The following FAT1 variants were observed in gnomAD, a reference collection of about 807,000 sequenced individuals.
FAT1 encodes the protein protocadherin Fat 1.
Under a neutral mutation model 329.8 loss-of-function variants are expected in FAT1, and 171 were observed. That is an observed-to-expected ratio of 0.52 (90% CI 0.46 to 0.59). The LOEUF (loss-of-function observed/expected upper bound fraction) is 0.59. Among genes scored for constraint, FAT1 ranks in the 20% least tolerant of loss-of-function variants. FAT1 has a pLI of 0.00. For missense variants in FAT1, 5,672 were observed against 5,774.4 expected (o/e 0.98, Z 0.57); for synonymous variants, 2,233 against 2,228.6 (o/e 1.00, Z -0.06).
chr4:186,619,990 C>A lies in FAT1; in HGVS notation c.6596G>T (p.Ser2199Ile), dbSNP rs374542025. 3.1e-6 allele frequency: 5 copies of A among 1,613,884 alleles called. No individual in the cohort carries two copies. The highest frequency in any genetic ancestry group is 1.7e-6 in the Non-Finnish European group (2 of 1,179,898). The change falls in exon 10 of 27, where the codon AGC becomes ATC. Residue 2199 changes from serine to isoleucine, a missense_variant. Physicochemically the swap from Ser to Ile is moderately radical, Grantham distance 142 (BLOSUM62 -2). Transcript: ENST00000441802. ...AEIAESIQVH[S>I]PVVHVQANSP... ...GTTAGCCTGCACGTGGACCACAGGGCTGTGCACCTGGATGCTCTCTGCAAT... is the reference window on the plus strand; with the variant it reads ...GTTAGCCTGCACGTGGACCACAGGGATGTGCACCTGGATGCTCTCTGCAAT...
At chr4:186,675,550 T>C (rs2126637516) in intron 2 of FAT1, among the ~76,000 whole-genome samples, 1 of 152,244 alleles carries the variant, frequency 6.6e-6, no homozygotes, top group East Asian at 1.9e-4. Flanking sequence ...GAGGATTACT[T>C]GAGCCCAGGA....
intron 1 of FAT1, among the ~76,000 whole-genome samples, chr4:186,715,315 C>T (rs749278328): frequency 2.0e-5 from 3 of 150,318 alleles, no homozygotes; most frequent in Non-Finnish European, 1.5e-5. Context: ...CCACATCCTA[C>T]TCAGCAGTTC....
At chr4:186,705,154 G>C (rs1744515942) in intron 2 of FAT1, among the ~76,000 whole-genome samples, 1 of 147,118 alleles carries the variant, frequency 6.8e-6, no homozygotes, top group Non-Finnish European at 1.5e-5. Context: ...CTGTTACCCA[G>C]GCTGGTCTTG....
In FAT1 at chr4:186,619,198, A is replaced by AAAC; in HGVS notation, c.7387_7388insGTT (p.Leu2463delinsArgPhe). 2 of 1,614,012 alleles carry AAAC rather than the reference A, an allele frequency of 1.2e-6. No homozygotes were observed. The highest frequency in any genetic ancestry group is 1.7e-6 in the Non-Finnish European group (2 of 1,179,900). ...AACTCCATCAGACACTGACAGGTTAAGACTGTAAAATGGCTTCAGGGCGTG... is the reference window on the plus strand; with the variant it reads ...AACTCCATCAGACACTGACAGGTTAAAACGACTGTAAAATGGCTTCAGGGCGTG... On this transcript the variant is annotated protein_altering_variant, in exon 10 of 27. Coordinates refer to ENST00000441802, the MANE Select transcript of FAT1 (RefSeq NM_005245.4).
Position 186,619,174 on chromosome 4 carries a change from A to C in FAT1, c.7412T>G (p.Val2471Gly), listed in dbSNP as rs1412270178. ...ATGAACCTGGGTGGAACTTCTAAAA[A>C]CTCCATCAGACACTGACAGGTTAAG... is the stretch of plus-strand genomic sequence containing the variant. ...YSLNLSVSDG[V>G]FRSSTQVHVT... is the part of the protein sequence containing the mutation. The change falls in exon 10 of 27, where the codon GTT becomes GGT. Residue 2471 changes from valine to glycine, a missense_variant. Physicochemically the swap from Val to Gly is moderately radical, Grantham distance 109. Transcript: ENST00000441802. 1.2e-6 allele frequency: 2 copies of C among 1,613,736 alleles called. No homozygotes were observed. The highest frequency in any genetic ancestry group is 1.7e-6 in the Non-Finnish European group (2 of 1,179,850).
At chr4:186,640,680 C>T (rs555843293) in intron 3 of FAT1, among the ~76,000 whole-genome samples, 100 of 152,288 alleles carry the variant, frequency 6.6e-4, no homozygotes, top group African/African-American at 2.2e-3. Context: ...AATTTCCTAT[C>T]AAACTAGAAT....
chr4:186,671,060 T>C (rs1230438757), intron 2 of FAT1, among the ~76,000 whole-genome samples: 2 of 152,214 alleles, frequency 1.3e-5, no homozygotes, highest in Non-Finnish European at 2.9e-5. Context: ...TGCAAATGTT[T>C]TATTTTTTTA....
intron 2 of FAT1, among the ~76,000 whole-genome samples, chr4:186,703,415 C>T (rs1333733123): frequency 6.6e-6 from 1 of 152,160 alleles, no homozygotes; most frequent in African/African-American, 2.4e-5. Context: ...GAACTTCATT[C>T]AGCTTGCTGG....
chr4:186,605,096 G>A (rs756179135), intron 17 of FAT1, among the ~76,000 whole-genome samples: 18 of 151,814 alleles, frequency 1.2e-4, no homozygotes, highest in East Asian at 2.0e-4. Context: ...GTGGGTGCCT[G>A]TAATCTCAGC....
chr4:186,651,437 TTGTC>T (rs1257679137), intron 3 of FAT1, among the ~76,000 whole-genome samples: 2 of 152,104 alleles, frequency 1.3e-5, no homozygotes, highest in African/African-American at 4.8e-5. Context: ...AGGGCAGCAT[TTGTC>T]TGTGTGAACT....
At chr4:186,657,312 C>T (rs561165319) in intron 3 of FAT1, among the ~76,000 whole-genome samples, 8 of 152,112 alleles carry the variant, frequency 5.3e-5, no homozygotes, top group African/African-American at 1.7e-4. Flanking sequence ...TGAAAAGAAA[C>T]GTAGTCTTGA....
chr4:186,601,491 C>G, intron 20 of FAT1, 65 bp from the exon 21 acceptor site: 1 of 1,379,940 alleles, frequency 7.2e-7, no homozygotes, highest in Non-Finnish European at 1.0e-6. Context: ...TAAAGTATGA[C>G]TCCCCTGCAC....
rs773424839 is a variant in FAT1, at chr4:186,617,914, T to C, written c.8672A>G (p.Asp2891Gly). 6.2e-7 allele frequency: 1 copy of C among 1,614,066 alleles called. No homozygotes were observed. Among genetic ancestry groups the C allele is most frequent in the South Asian group, 1.1e-5 (1 of 91,086 alleles). Residue 2891 changes from aspartate (D) to glycine (G), a missense_variant, in exon 10 of 27, where the codon GAT becomes GGT. Transcript: ENST00000441802. ...GGATAGCTGGATCTTTTCACCATGATCTGATGCAACCACTTTAATCTGGTA... is the reference window on the plus strand; with the variant it reads ...GGATAGCTGGATCTTTTCACCATGACCTGATGCAACCACTTTAATCTGGTA... Reference protein sequence around the residue: ...DNYQIKVVASDHGEKIQLSST... With the variant: ...DNYQIKVVASGHGEKIQLSST...
intron 15 of FAT1, among the ~76,000 whole-genome samples, chr4:186,609,583 A>AT (rs988165994): frequency 1.3e-5 from 2 of 151,302 alleles, no homozygotes; most frequent in South Asian, 2.1e-4. Context: ...CGCCTGGCTA[A>AT]TTTTTTTTTG....
intron 3 of FAT1, among the ~76,000 whole-genome samples, chr4:186,657,833 G>A (rs1372954256): frequency 1.3e-5 from 2 of 152,158 alleles, no homozygotes; most frequent in African/African-American, 2.4e-5. Flanking sequence ...ACTCCCCCAA[G>A]TTCAAAGCAA....
chr4:186,693,778 T>TA (rs1205182906), intron 2 of FAT1, among the ~76,000 whole-genome samples: 1 of 152,176 alleles, frequency 6.6e-6, no homozygotes, highest in East Asian at 1.9e-4. Context: ...TCCTTCACAA[T>TA]ACTTAATATT....
At chr4:186,696,858 T>C (rs907948630) in intron 2 of FAT1, among the ~76,000 whole-genome samples, 1 of 152,160 alleles carries the variant, frequency 6.6e-6, no homozygotes, top group Admixed American at 6.5e-5. Context: ...AACTCGTCTC[T>C]AGTAAAAACA....
chr4:186,635,384 C>T (rs1013586329), intron 6 of FAT1, among the ~76,000 whole-genome samples: 1 of 152,136 alleles, frequency 6.6e-6, no homozygotes, highest in African/African-American at 2.4e-5. Context: ...CATTCAATGT[C>T]TTATCTAAAC....
At chr4:186,667,385 T>C (rs1446791336) in intron 2 of FAT1, among the ~76,000 whole-genome samples, 2 of 152,244 alleles carry the variant, frequency 1.3e-5, no homozygotes, top group Non-Finnish European at 2.9e-5. Context: ...AGCGACTCTA[T>C]TCAAATATCG....
Sources: allele counts gnomAD v4.1 joint callset (sites outside exome capture counted in the v4.1 genomes callset), GRCh38; gene constraint gnomAD v4.1.1; transcripts MANE v1.5; gene names NCBI Gene and HGNC (gene_info 2026-07-23, HGNC 2026-07-21).